GRIN2A: variants seen among roughly 807,000 people sequenced by gnomAD.
The protein encoded by GRIN2A is glutamate receptor ionotropic, NMDA 2A.
A neutral mutation model predicts 113.4 loss-of-function variants in GRIN2A; 22 were observed. That is an observed-to-expected ratio of 0.19 (90% CI 0.14 to 0.28). GRIN2A has a LOEUF of 0.28. Ranked by LOEUF, GRIN2A falls within the 10% of genes least tolerant of loss-of-function variation. The pLI, the probability that GRIN2A is intolerant of heterozygous loss-of-function variation, is 1.00. For missense variants in GRIN2A, 1,502 were observed against 1,887.0 expected, an observed-to-expected ratio of 0.80 and a Z score of 3.78; for synonymous variants, 827 against 738.4, an observed-to-expected ratio of 1.12 and a Z score of -1.94.
intron 2 of GRIN2A, among the ~76,000 whole-genome samples, chr16:10,158,152 G>A (rs2049740538): frequency 6.6e-6 from 1 of 152,098 alleles, no homozygotes; most frequent in African/African-American, 2.4e-5. Context: ...CCACAGGCAT[G>A]TGCCAACACA....
chr16:9,921,424 C>T (rs1033705333), intron 3 of GRIN2A, among the ~76,000 whole-genome samples: 22 of 152,252 alleles, frequency 1.4e-4, no homozygotes, highest in Middle Eastern at 3.4e-3. Context: ...ATCAGAAGAT[C>T]GGGTGCTAAA....
intron 2 of GRIN2A, chr16:10,171,386 A>G (rs192176934): frequency 3.3e-5 from 5 of 152,334 alleles, no homozygotes; most frequent in Admixed American, 3.3e-4. Flanking sequence ...TCCACACTCT[A>G]AATCCCTAAG....
intron 4 of GRIN2A, among the ~76,000 whole-genome samples, chr16:9,858,302 TATCAGGCACC>T (rs1371247145): frequency 3.3e-5 from 5 of 152,326 alleles, no homozygotes; most frequent in African/African-American, 7.2e-5. Flanking sequence ...ACTTATTATG[TATCAGGCACC>T]ATTCTTAGTG....
At chr16:9,855,148 CATT>C (rs915545648) in intron 4 of GRIN2A, among the ~76,000 whole-genome samples, 26 of 152,258 alleles carry the variant, frequency 1.7e-4, no homozygotes, top group Admixed American at 1.0e-3. Flanking sequence ...GGTTCAGAAT[CATT>C]AATAGCACAG....
intron 2 of GRIN2A, among the ~76,000 whole-genome samples, chr16:10,167,653 G>A (rs1461286489): frequency 6.6e-6 from 1 of 152,156 alleles, no homozygotes; most frequent in Non-Finnish European, 1.5e-5. Context: ...TGCATTAATG[G>A]AGCAAATATT....
intron 3 of GRIN2A, among the ~76,000 whole-genome samples, chr16:9,908,209 G>C (rs2044065587): frequency 6.6e-6 from 1 of 152,070 alleles, no homozygotes; most frequent in Non-Finnish European, 1.5e-5. Flanking sequence ...GTGGAAATGT[G>C]TCCCCTAAAA....
chr16:9,990,101 A>G (rs2046071466), intron 2 of GRIN2A, among the ~76,000 whole-genome samples: 1 of 152,194 alleles, frequency 6.6e-6, no homozygotes, highest in South Asian at 2.1e-4. Context: ...TCACAGCACT[A>G]TTTACAATAG....
At chr16:9,990,969 A>C (rs141903518) in intron 2 of GRIN2A, among the ~76,000 whole-genome samples, 180 of 152,248 alleles carry the variant, frequency 1.2e-3, no homozygotes, top group African/African-American at 4.2e-3. Flanking sequence ...CAGGAGGCTG[A>C]GGCAGGAGAA....
chr16:9,912,469 T>C (rs1274298462), intron 3 of GRIN2A, among the ~76,000 whole-genome samples: 1 of 126,960 alleles, frequency 7.9e-6, no homozygotes, highest in Non-Finnish European at 1.6e-5. Context: ...AAAGGAATAA[T>C]GAAAAGATAA....
intron 2 of GRIN2A, among the ~76,000 whole-genome samples, chr16:9,997,323 G>T (rs2046242599): frequency 6.6e-6 from 1 of 152,144 alleles, no homozygotes; most frequent in Non-Finnish European, 1.5e-5. Flanking sequence ...ACTCCAAATG[G>T]TACAGTAATG....
rs3065539 is a variant in GRIN2A at position 9,986,764 on chromosome 16, CAAA to C, written c.415-48216_415-48214del. Among the ~76,000 whole-genome samples, 360 of 112,014 alleles carry C rather than the reference CAAA, an allele frequency of 3.2e-3. 2 individuals are homozygous for C. Among genetic ancestry groups the C allele is most frequent in the Middle Eastern group, 4.8e-3 (1 of 210 alleles). The allele number at this position is 112,014 out of a possible 152,430, so 73.5% of individuals were successfully genotyped here. On this transcript the variant is annotated intron_variant, in intron 2 of 12. Coordinates refer to ENST00000330684, the MANE Select transcript of GRIN2A (RefSeq NM_001134407.3). ...CAGGCAACAGTGCAAGACGCTGTCT[CAAA>C]AAAAAAAAAAAAAAAAAGAAGAAAA... is the stretch of plus-strand genomic sequence containing the variant.
chr16:10,180,204 C>T lies in GRIN2A; in HGVS notation c.208G>A (p.Val70Ile), dbSNP rs764026892. 14 of 1,614,182 alleles carry T rather than the reference C, an allele frequency of 8.7e-6. No individual in the cohort carries two copies. The highest frequency in any genetic ancestry group is 1.2e-5 in the Non-Finnish European group (14 of 1,180,050). Residue 70 changes from valine (V) to isoleucine (I), a missense_variant, in exon 2 of 13, where the codon GTA becomes ATA. Val to Ile is a conservative substitution (Grantham distance 29). This residue lies in a region of GRIN2A where 149 missense variants were observed against 179.1 expected (regional missense o/e 0.83). Transcript: ENST00000330684. The surrounding 1 kb of genome is among the most constrained non-coding windows in gnomAD (Gnocchi z 7.0). ...AAGLPLDVNV[V>I]ALLMNRTDPK... ...TCGGTGCGGTTCATCAGCAGAGCTA[C>T]CACGTTCACGTCCAGGGGCAGCCCC...
At chr16:9,996,869 T>C (rs1353146290) in intron 2 of GRIN2A, among the ~76,000 whole-genome samples, 1 of 152,198 alleles carries the variant, frequency 6.6e-6, no homozygotes, top group Non-Finnish European at 1.5e-5. Flanking sequence ...AAAATGTTCA[T>C]TTTTCTGGTC....
At chr16:9,834,013 G>T (rs2042543886) in intron 8 of GRIN2A, 92 bp downstream of exon 8, 2 of 1,271,344 alleles carry the variant, frequency 1.6e-6, no homozygotes, top group Admixed American at 1.7e-5. Context: ...CACCATGCCT[G>T]GTCTAGAGTA....
chr16:9,849,673 A>T, intron 5 of GRIN2A, 83 bp downstream of exon 5: 1 of 981,636 alleles, frequency 1.0e-6, no homozygotes, highest in South Asian at 1.3e-5. Flanking sequence ...TTTGTGATTC[A>T]AGTACACATA....
chr16:9,960,363 G>C (rs1284910055), intron 2 of GRIN2A, among the ~76,000 whole-genome samples: 1 of 152,162 alleles, frequency 6.6e-6, no homozygotes, highest in South Asian at 2.1e-4. Flanking sequence ...AATGCAAAAA[G>C]ATAATACACC....
intron 2 of GRIN2A, among the ~76,000 whole-genome samples, chr16:10,120,184 T>C (rs2048807356): frequency 6.6e-6 from 1 of 152,218 alleles, no homozygotes; most frequent in Non-Finnish European, 1.5e-5. Flanking sequence ...TGAACAAATT[T>C]ACATTCAACT....
intron 2 of GRIN2A, among the ~76,000 whole-genome samples, chr16:10,060,398 A>G (rs1355836981): frequency 6.6e-6 from 1 of 152,198 alleles, no homozygotes; most frequent in Non-Finnish European, 1.5e-5. Context: ...CTTATAGATA[A>G]GAAAATTAAG....
At chr16:9,813,193 C>T (rs188724816) in intron 10 of GRIN2A, among the ~76,000 whole-genome samples, 1 of 152,280 alleles carries the variant, frequency 6.6e-6, no homozygotes, top group Non-Finnish European at 1.5e-5. Context: ...AATTAATATT[C>T]CTCTAGCTCA....
Sources: allele counts gnomAD v4.1 joint callset (sites outside exome capture counted in the v4.1 genomes callset), GRCh38; gene constraint gnomAD v4.1.1; regional missense constraint gnomAD v4.1.1; non-coding constraint Gnocchi (gnomAD v3.1); transcripts MANE v1.5; gene names NCBI Gene and HGNC (gene_info 2026-07-23, HGNC 2026-07-21).